The following TAFA2 variants were observed in gnomAD, a reference collection of about 807,000 sequenced individuals.
TAFA2 encodes TAFA chemokine like family member 2, also known as chemokine-like protein TAFA-2.
A neutral mutation model predicts 18.8 loss-of-function variants in TAFA2; 7 were observed. That is an observed-to-expected ratio of 0.37 (90% CI 0.21 to 0.70). The LOEUF (loss-of-function observed/expected upper bound fraction) is 0.70. Ranked by LOEUF, TAFA2 falls within the 30% of genes least tolerant of loss-of-function variation. TAFA2 has a pLI of 0.53. For missense variants in TAFA2, 122 were observed against 158.1 expected, an observed-to-expected ratio of 0.77 and a Z score of 1.23; for synonymous variants, 60 against 54.2, an observed-to-expected ratio of 1.11 and a Z score of -0.47.
At chr12:62,153,661 C>A (rs1035969057) in intron 1 of TAFA2, among the ~76,000 whole-genome samples, 6 of 150,590 alleles carry the variant, frequency 4.0e-5, no homozygotes, top group African/African-American at 4.9e-5. Flanking sequence ...AGAGTAAGAC[C>A]TTGTCTCAAA....
At chr12:62,154,259 T>C (rs568644077) in intron 1 of TAFA2, among the ~76,000 whole-genome samples, 3 of 152,152 alleles carry the variant, frequency 2.0e-5, no homozygotes, top group African/African-American at 7.2e-5. Context: ...AAGAAATCTA[T>C]AACAGCTCTA....
In TAFA2 at chr12:61,980,563, G is replaced by A. The variant is rs139802488; in HGVS notation, c.-1-113137C>T. Among the ~76,000 whole-genome samples the A allele has an allele frequency of 2.4e-3, 364 of 152,250 alleles. 13 individuals carry two copies. In the East Asian group the frequency reaches 0.058, roughly 24 times the overall value. On this transcript the variant is annotated intron_variant, in intron 1 of 4. Transcript: ENST00000416284. The stretch of plus-strand genomic sequence containing the variant: ...GATTGTATATTTAGAAAAACCCATC[G>A]TCTCAGCCTAAAATCTCCTTAAGCT...
intron 1 of TAFA2, among the ~76,000 whole-genome samples, chr12:61,986,837 G>A (rs1565706327): frequency 6.6e-6 from 1 of 152,068 alleles, no homozygotes; most frequent in Non-Finnish European, 1.5e-5. Context: ...AATTACATAA[G>A]AACATAACAT....
At chr12:61,851,978 G>T (rs1049009761) in intron 2 of TAFA2, among the ~76,000 whole-genome samples, 3 of 151,478 alleles carry the variant, frequency 2.0e-5, no homozygotes, top group African/African-American at 7.3e-5. Flanking sequence ...GAGGCCGAGG[G>T]GGGCAGAGCA....
chr12:62,045,872 TAC>T (rs1881894952), intron 1 of TAFA2, among the ~76,000 whole-genome samples: 1 of 152,136 alleles, frequency 6.6e-6, no homozygotes, highest in Non-Finnish European at 1.5e-5. Flanking sequence ...CAGTATTGTA[TAC>T]AGAGTGTCAA....
chr12:62,149,791 C>G (rs1251799035), intron 1 of TAFA2, among the ~76,000 whole-genome samples: 6 of 152,032 alleles, frequency 3.9e-5, no homozygotes, highest in Non-Finnish European at 8.8e-5. Flanking sequence ...CACAAAAATG[C>G]TTTCACAGAC....
chr12:62,204,560 G>T (rs552081029), intron 1 of TAFA2, among the ~76,000 whole-genome samples: 63 of 152,128 alleles, frequency 4.1e-4, no homozygotes, highest in Middle Eastern at 3.4e-3. Context: ...TTGTCTGCCT[G>T]TGTTATTTCC....
At chr12:62,206,594 C>T (rs2136970543) in intron 1 of TAFA2, among the ~76,000 whole-genome samples, 1 of 152,158 alleles carries the variant, frequency 6.6e-6, no homozygotes, top group East Asian at 1.9e-4. Flanking sequence ...GTGGCACAAT[C>T]ACAGCTCATT....
chr12:61,905,105 T>C (rs565135028), intron 1 of TAFA2, among the ~76,000 whole-genome samples: 1 of 152,300 alleles, frequency 6.6e-6, no homozygotes, highest in Admixed American at 6.5e-5. Flanking sequence ...TGGTTATGTC[T>C]AGGAATATGA....
chr12:61,833,260 C>A (rs1872785795), intron 2 of TAFA2, among the ~76,000 whole-genome samples: 2 of 151,494 alleles, frequency 1.3e-5, no homozygotes, highest in Non-Finnish European at 2.9e-5. Context: ...ATTTTCCCCA[C>A]CTCCTTCCCC....
At chr12:61,832,678 C>T (rs916974098) in intron 2 of TAFA2, among the ~76,000 whole-genome samples, 11 of 152,122 alleles carry the variant, frequency 7.2e-5, no homozygotes, top group African/African-American at 2.7e-4. Context: ...GTCCTTGACT[C>T]ATGTTTCATC....
intron 4 of TAFA2, among the ~76,000 whole-genome samples, chr12:61,734,335 AG>A (rs1868268365): frequency 7.8e-6 from 1 of 127,636 alleles, no homozygotes; most frequent in Non-Finnish European, 1.6e-5. Context: ...GGACATGGGA[AG>A]GGGAACATCA....
intron 1 of TAFA2, among the ~76,000 whole-genome samples, chr12:62,143,527 A>G (rs145823592): frequency 3.1e-4 from 47 of 152,266 alleles, no homozygotes; most frequent in Admixed American, 1.3e-3. Context: ...GTCCAGGGTA[A>G]CATCCCTAGG....
At chr12:61,735,344 G>A (rs1868286021) in intron 4 of TAFA2, among the ~76,000 whole-genome samples, 1 of 151,796 alleles carries the variant, frequency 6.6e-6, no homozygotes, top group African/African-American at 2.4e-5. Context: ...TTGATCTTTT[G>A]ATCCAGATTG....
At chr12:62,096,586 A>C (rs1868961970) in intron 1 of TAFA2, among the ~76,000 whole-genome samples, 1 of 152,176 alleles carries the variant, frequency 6.6e-6, no homozygotes, top group Non-Finnish European at 1.5e-5. Flanking sequence ...CCCTTTTCTA[A>C]GTATTTCCAG....
At chr12:62,079,245 A>G (rs1488259488) in intron 1 of TAFA2, among the ~76,000 whole-genome samples, 1 of 152,168 alleles carries the variant, frequency 6.6e-6, no homozygotes, top group Non-Finnish European at 1.5e-5. Context: ...CCCAGCTACA[A>G]CTGGATCACC....
chr12:62,188,404 TTTTCAAA>T (rs1400221614), intron 1 of TAFA2, among the ~76,000 whole-genome samples: 4 of 152,202 alleles, frequency 2.6e-5, no homozygotes, highest in African/African-American at 9.6e-5. Flanking sequence ...TTGTTTCATC[TTTTCAAA>T]TATATTAGAA....
In TAFA2 at chr12:61,830,201, GTATGTA is replaced by G. The variant is rs745677997; in HGVS notation, c.106+37113_106+37118del. 3.1e-4 allele frequency among the ~76,000 whole-genome samples: 47 copies of G among 149,914 alleles called. 1 individual carries two copies. In the East Asian group the frequency reaches 3.3e-3, roughly 11 times the overall value. On this transcript the variant is annotated intron_variant, in intron 2 of 4. Transcript: ENST00000416284. ...TAAATGCTATATATATATGTATATGGTATGTATATGTATATGTATATATTATATATG... is the reference window on the plus strand; with the variant it reads ...TAAATGCTATATATATATGTATATGGTATGTATATGTATATATTATATATG...
intron 1 of TAFA2, among the ~76,000 whole-genome samples, chr12:61,878,755 A>G (rs543098839): frequency 1.3e-5 from 2 of 152,308 alleles, no homozygotes; most frequent in Admixed American, 6.5e-5. Context: ...TTTATATTAT[A>G]TGTAAGTCTT....
Sources: gnomAD v4.1 joint callset for allele counts (sites outside exome capture counted in the v4.1 genomes callset) on GRCh38, gnomAD v4.1.1 for gene constraint, MANE v1.5 for transcripts, NCBI Gene and HGNC (gene_info 2026-07-23, HGNC 2026-07-21) for gene names.